CDH9: variants seen among roughly 807,000 people sequenced by gnomAD.
CDH9 encodes cadherin-9.
In CDH9, 28 loss-of-function variants were observed where a neutral mutation model predicts 70.9. That is an observed-to-expected ratio of 0.40 (90% CI 0.29 to 0.54). The LOEUF (loss-of-function observed/expected upper bound fraction) is 0.54, where lower values mean the gene tolerates loss of function less well. CDH9 is among the 20% of genes least tolerant of loss of function. CDH9 has a pLI of 0.59. For missense variants in CDH9, 874 were observed against 984.4 expected (o/e 0.89, Z 1.50); for synonymous variants, 409 against 343.1 (o/e 1.19, Z -2.12).
At chr5:27,036,960 A>T (rs1181985310) in intron 1 of CDH9, among the ~76,000 whole-genome samples, 2 of 151,958 alleles carry the variant, frequency 1.3e-5, no homozygotes, top group East Asian at 1.9e-4. Flanking sequence ...CTTTCAAAAG[A>T]TCTATGTTTC....
intron 2 of CDH9, among the ~76,000 whole-genome samples, chr5:26,984,537 T>G (rs1742457958): frequency 1.3e-5 from 2 of 152,154 alleles, no homozygotes; most frequent in Admixed American, 1.3e-4. Flanking sequence ...AGTTAATTGA[T>G]TATTGATCCA....
At chr5:26,888,523 T>A (rs1240799858) in intron 9 of CDH9, among the ~76,000 whole-genome samples, 1 of 152,156 alleles carries the variant, frequency 6.6e-6, no homozygotes, top group Non-Finnish European at 1.5e-5. Context: ...AGATGCCCAT[T>A]ATATGTTGCA....
intron 2 of CDH9, among the ~76,000 whole-genome samples, chr5:26,922,215 A>G (rs1741257943): frequency 6.6e-6 from 1 of 152,092 alleles, no homozygotes; most frequent in Admixed American, 6.5e-5. Flanking sequence ...AAAAATATTA[A>G]TATTCAAGGA....
chr5:26,924,042 A>C (rs1283061087), intron 2 of CDH9, among the ~76,000 whole-genome samples: 1 of 152,064 alleles, frequency 6.6e-6, no homozygotes, highest in Admixed American at 6.6e-5. Flanking sequence ...AAGAAATAAT[A>C]AAGATCAGAA....
intron 2 of CDH9, among the ~76,000 whole-genome samples, chr5:26,974,387 T>C (rs1742270211): frequency 6.6e-6 from 1 of 152,048 alleles, no homozygotes; most frequent in African/African-American, 2.4e-5. Context: ...AGCAGTTCTA[T>C]AGGTTTGAAA....
At chr5:27,030,410 C>T (rs1743292298) in intron 1 of CDH9, among the ~76,000 whole-genome samples, 1 of 151,082 alleles carries the variant, frequency 6.6e-6, no homozygotes, top group Non-Finnish European at 1.5e-5. Flanking sequence ...AAAGGAGAAG[C>T]ACTTTTAGTT....
At position 26,988,320 on chromosome 5, in the gene CDH9, T is replaced by G. The variant is rs1229929979; in HGVS notation, c.14A>C (p.His5Pro). 2 of 1,611,626 alleles carry G rather than the reference T, an allele frequency of 1.2e-6. No individual in the cohort carries two copies. Among genetic ancestry groups the G allele is most frequent in the East Asian group, 2.2e-5 (1 of 44,824 alleles). The change falls in exon 2 of 12, where the codon CAT becomes CCT. Residue 5 changes from histidine (H) to proline (P), a missense_variant. Transcript: ENST00000231021. MRTY[H>P]YIPLFIWTYM... ...GGTCCAGATGAATAATGGTATATAATGGTAAGTCCTCATTATCTGCAACTT... is the reference window on the plus strand; with the variant it reads ...GGTCCAGATGAATAATGGTATATAAGGGTAAGTCCTCATTATCTGCAACTT...
chr5:26,915,892 AT>A lies in CDH9; in HGVS notation c.260del (p.Asn87IlefsTer2). The A allele has an allele frequency of 6.2e-7, 1 of 1,611,908 alleles. No homozygotes were observed. The highest frequency in any genetic ancestry group is 1.1e-5 in the South Asian group (1 of 91,010). Reference sequence around the variant, plus strand: ...CATCTCCTGTTAGTATGTATTTTAAATTTCCATCTCCTTTATCTTGGTCAGT... The same window carrying A: ...CATCTCCTGTTAGTATGTATTTTAAATTCCATCTCCTTTATCTTGGTCAGT... ...LHTDQDKGDG[N>X]LKYILTGDGA... On this transcript the variant is annotated frameshift_variant, in exon 3 of 12. Coordinates refer to ENST00000231021, the MANE Select transcript of CDH9 (RefSeq NM_016279.4). LOFTEE classifies it high-confidence loss of function.
chr5:26,913,338 A>G (rs1741086567), intron 3 of CDH9, among the ~76,000 whole-genome samples: 1 of 152,150 alleles, frequency 6.6e-6, no homozygotes, highest in African/African-American at 2.4e-5. Context: ...GTTATAGGTG[A>G]ACCAAAGTGG....
At chr5:26,983,398 TAC>T (rs1288487563) in intron 2 of CDH9, among the ~76,000 whole-genome samples, 1 of 152,210 alleles carries the variant, frequency 6.6e-6, no homozygotes, top group East Asian at 1.9e-4. Context: ...TTCTGATCAT[TAC>T]AAAAATAAGT....
At chr5:26,942,281 A>G (rs1051650475) in intron 2 of CDH9, among the ~76,000 whole-genome samples, 1 of 152,112 alleles carries the variant, frequency 6.6e-6, no homozygotes, top group African/African-American at 2.4e-5. Flanking sequence ...CCACCCCCAC[A>G]ATTCAATTAC....
At chr5:26,915,412 A>C (rs1741131050) in intron 3 of CDH9, among the ~76,000 whole-genome samples, 1 of 152,152 alleles carries the variant, frequency 6.6e-6, no homozygotes, top group East Asian at 1.9e-4. Flanking sequence ...AAAATGAATT[A>C]ACTGCTATTG....
At chr5:26,892,169 A>C (rs1740671509) in intron 7 of CDH9, among the ~76,000 whole-genome samples, 1 of 152,338 alleles carries the variant, frequency 6.6e-6, no homozygotes, top group Admixed American at 6.5e-5. Flanking sequence ...GAAAAGATTA[A>C]TTTATATGAA....
intron 1 of CDH9, among the ~76,000 whole-genome samples, chr5:26,991,891 A>G (rs1742585020): frequency 6.6e-6 from 1 of 152,156 alleles, no homozygotes; most frequent in African/African-American, 2.4e-5. Context: ...TAATTTTTAT[A>G]CTTCTATCAC....
chr5:27,012,616 G>A (rs1742978042), intron 1 of CDH9, among the ~76,000 whole-genome samples: 1 of 151,804 alleles, frequency 6.6e-6, no homozygotes, highest in Admixed American at 6.6e-5. Context: ...CATCATAATG[G>A]ATCTACAGAT....
intron 9 of CDH9, among the ~76,000 whole-genome samples, chr5:26,887,692 T>C (rs1359184853): frequency 6.6e-6 from 1 of 152,128 alleles, no homozygotes; most frequent in Non-Finnish European, 1.5e-5. Context: ...CGTTTGCAGA[T>C]AAAATCAAGT....
chr5:26,989,037 C>T (rs1742536651), intron 1 of CDH9, among the ~76,000 whole-genome samples: 1 of 151,934 alleles, frequency 6.6e-6, no homozygotes, highest in Non-Finnish European at 1.5e-5. Context: ...CTGAGGAGTA[C>T]ACGCTCTAAA....
At chr5:26,899,674 C>T (rs1740817718) in intron 7 of CDH9, among the ~76,000 whole-genome samples, 2 of 151,498 alleles carry the variant, frequency 1.3e-5, no homozygotes, top group East Asian at 2.0e-4. Context: ...ACAATGAGAA[C>T]CCATGGACAC....
intron 2 of CDH9, among the ~76,000 whole-genome samples, chr5:26,951,308 A>G (rs1741841773): frequency 6.6e-6 from 1 of 150,842 alleles, no homozygotes; most frequent in Non-Finnish European, 1.5e-5. Flanking sequence ...AAAAAAAAAA[A>G]AAAAAAAAAG....
Sources: allele counts gnomAD v4.1 joint callset (sites outside exome capture counted in the v4.1 genomes callset), GRCh38; gene constraint gnomAD v4.1.1; transcripts MANE v1.5; gene names NCBI Gene and HGNC (gene_info 2026-07-23, HGNC 2026-07-21).